Variants in ADGRL3 observed in about 807,000 individuals in gnomAD.
ADGRL3 encodes calcium-independent alpha-latrotoxin receptor 3.
A neutral mutation model predicts 153.5 loss-of-function variants in ADGRL3; 62 were observed. The ratio of observed to expected loss-of-function variants is 0.40; its 90% CI spans 0.33 to 0.50. The LOEUF is 0.50. Among genes scored for constraint, ADGRL3 ranks in the 20% least tolerant of loss-of-function variants. The pLI is 0.47. For synonymous variants in ADGRL3, 710 were observed against 672.5 expected (o/e 1.06, Z -0.86); for missense variants, 1,641 against 1,859.4 (o/e 0.88, Z 2.16).
chr4:61,360,380 AG>A (rs2096264602), intron 1 of ADGRL3, among the ~76,000 whole-genome samples: 1 of 152,170 alleles, frequency 6.6e-6, no homozygotes, highest in Admixed American at 6.6e-5. Flanking sequence ...TTCAGTCTTA[AG>A]AAAAGTTGAG....
chr4:61,742,111 G>A (rs896695109), intron 8 of ADGRL3, among the ~76,000 whole-genome samples: 21 of 152,184 alleles, frequency 1.4e-4, no homozygotes, highest in African/African-American at 4.6e-4. Context: ...CAAAAGTAAT[G>A]ATTATCTAGG....
At chr4:61,456,597 G>A (rs2097759138) in intron 2 of ADGRL3, among the ~76,000 whole-genome samples, 1 of 150,224 alleles carries the variant, frequency 6.7e-6, no homozygotes, top group Non-Finnish European at 1.5e-5. Flanking sequence ...TGTTTTTCCT[G>A]TGTAGCAGAG....
At chr4:62,031,345 CT>C in intron 22 of ADGRL3, 96 bp from the exon 23 acceptor site, 1 of 998,818 alleles carries the variant, frequency 1.0e-6, no homozygotes, top group Non-Finnish European at 1.4e-6. Flanking sequence ...ATAAAAGTTA[CT>C]GTAACATTTT....
chr4:61,958,381 CTTTCTTTCTTTCTTTCTTTCTTTCTTT>C (rs1560430668), intron 17 of ADGRL3, among the ~76,000 whole-genome samples: 2 of 81,540 alleles, frequency 2.5e-5, no homozygotes, highest in Non-Finnish European at 5.7e-5. Flanking sequence ...GTAAAGGTTT[CTTTCTTTCTTTCTTTCTTTCTTTCTTT>C]CTTTCTTTCT....
chr4:61,861,484 G>A (rs1444498930), intron 9 of ADGRL3, among the ~76,000 whole-genome samples: 1 of 152,062 alleles, frequency 6.6e-6, no homozygotes, highest in African/African-American at 2.4e-5. Flanking sequence ...CAACAATCTT[G>A]ACAAAGTCAA....
At chr4:61,799,304 T>G (rs570507083) in intron 8 of ADGRL3, among the ~76,000 whole-genome samples, 1 of 152,112 alleles carries the variant, frequency 6.6e-6, no homozygotes, top group South Asian at 2.1e-4. Context: ...ACTAGCAAAC[T>G]TCTTCTGTAA....
intron 2 of ADGRL3, among the ~76,000 whole-genome samples, chr4:61,401,324 C>CA (rs2096927848): frequency 6.6e-6 from 1 of 151,742 alleles, no homozygotes; most frequent in Non-Finnish European, 1.5e-5. Flanking sequence ...TCACTACAGA[C>CA]AAAATATATG....
chr4:61,336,617 A>G (rs2095680952), intron 1 of ADGRL3, among the ~76,000 whole-genome samples: 1 of 151,868 alleles, frequency 6.6e-6, no homozygotes, highest in South Asian at 2.1e-4. Flanking sequence ...AATAGGGCTC[A>G]TTACGCCTTT....
chr4:61,301,768 T>G (rs112863289), intron 1 of ADGRL3, among the ~76,000 whole-genome samples: 2 of 152,142 alleles, frequency 1.3e-5, no homozygotes, highest in Admixed American at 6.5e-5. Context: ...AAATTTCAAT[T>G]TGTCCATGGA....
chr4:61,345,194 T>A lies in ADGRL3; in HGVS notation c.-239-37930T>A, dbSNP rs557121354. 3.9e-5 allele frequency among the ~76,000 whole-genome samples: 6 copies of A among 152,202 alleles called. No homozygotes were observed. The East Asian group carries it at 1.2e-3, about 29-fold the overall frequency. On this transcript the variant is annotated intron_variant, in intron 1 of 26. Transcript: ENST00000683033. ...CCATGCCAATGTTATTAGTTATGGA[T>A]TTAAAAATAATTATGTTGGTTTTAT...
intron 6 of ADGRL3, among the ~76,000 whole-genome samples, chr4:61,705,631 G>A (rs2095844686): frequency 6.6e-6 from 1 of 151,866 alleles, no homozygotes; most frequent in South Asian, 2.1e-4. Context: ...CCAAGTAGCT[G>A]GGATTACAGG....
chr4:61,889,190 G>C (rs1476417606), intron 9 of ADGRL3, among the ~76,000 whole-genome samples: 2 of 152,190 alleles, frequency 1.3e-5, no homozygotes. Context: ...GTATAACCCA[G>C]TCTTGGTAAA....
chr4:61,474,927 G>T (rs1011335432), intron 2 of ADGRL3, among the ~76,000 whole-genome samples: 1 of 151,988 alleles, frequency 6.6e-6, no homozygotes, highest in Non-Finnish European at 1.5e-5. Flanking sequence ...TACTGTCCCA[G>T]GCTTATTAAA....
chr4:61,971,150 T>C (rs183460475), intron 17 of ADGRL3, among the ~76,000 whole-genome samples: 104 of 151,680 alleles, frequency 6.9e-4, no homozygotes, highest in African/African-American at 2.2e-3. Flanking sequence ...TTATTTATTT[T>C]TATTTATTTA....
chr4:61,515,431 A>T (rs1395320722), intron 3 of ADGRL3, among the ~76,000 whole-genome samples: 2 of 67,046 alleles, frequency 3.0e-5, no homozygotes, highest in Non-Finnish European at 5.8e-5. Context: ...ACTCATATTT[A>T]TATGGTATTT....
chr4:61,448,833 AGG>A (rs1180456795), intron 2 of ADGRL3, among the ~76,000 whole-genome samples: 4 of 36,780 alleles, frequency 1.1e-4, no homozygotes, highest in African/African-American at 2.8e-4. Context: ...GGAAGAAGGG[AGG>A]GAGGGAAGGA....
chr4:61,647,072 G>A (rs978637115), intron 5 of ADGRL3, among the ~76,000 whole-genome samples: 11 of 152,080 alleles, frequency 7.2e-5, no homozygotes, highest in Non-Finnish European at 1.3e-4. Flanking sequence ...TCTTTGACTA[G>A]GAAAGGGAAC....
intron 1 of ADGRL3, among the ~76,000 whole-genome samples, chr4:61,352,644 C>T (rs1006824485): frequency 2.0e-4 from 31 of 152,130 alleles, no homozygotes. Context: ...CTCGGCCTCC[C>T]AAAGTGCTGG....
At chr4:61,310,078 G>C (rs2094940487) in intron 1 of ADGRL3, among the ~76,000 whole-genome samples, 1 of 150,940 alleles carries the variant, frequency 6.6e-6, no homozygotes, top group Non-Finnish European at 1.5e-5. Flanking sequence ...TCTTCTGCTT[G>C]TTGAATTTCA....
Sources: allele counts gnomAD v4.1 joint callset (sites outside exome capture counted in the v4.1 genomes callset), GRCh38; gene constraint gnomAD v4.1.1; transcripts MANE v1.5; gene names NCBI Gene and HGNC (gene_info 2026-07-23, HGNC 2026-07-21).